RAB11B: variants seen among roughly 807,000 people sequenced by gnomAD.
RAB11B encodes RAB11B, member RAS oncogene family.
RAB11B carries 7 observed loss-of-function variants against 23.7 expected under a neutral mutation model. The observed-to-expected ratio is 0.29, with a 90% confidence interval of 0.17 to 0.55. The LOEUF (loss-of-function observed/expected upper bound fraction) is 0.55. Among genes scored for constraint, RAB11B ranks in the 20% least tolerant of loss-of-function variants. RAB11B has a pLI of 0.93. For missense variants in RAB11B, 189 were observed against 320.0 expected (o/e 0.59, Z 3.12); for synonymous variants, 138 against 132.0 (o/e 1.05, Z -0.31).
chr19:8,401,413 C>G (rs963752689), intron 2 of RAB11B, among the ~76,000 whole-genome samples: 2 of 151,332 alleles, frequency 1.3e-5, no homozygotes, highest in African/African-American at 2.4e-5. Context: ...GAGTCTCACT[C>G]TGTCATCCAG....
rs1971399599 is a variant in RAB11B, at chr19:8,396,715, G to GA, written c.41-3148_41-3147insA. 1.4e-5 allele frequency among the ~76,000 whole-genome samples: 2 copies of GA among 138,236 alleles called. No individual in the cohort carries two copies. The highest frequency in any genetic ancestry group is 5.0e-4 in the South Asian group (2 of 4,016). 90.7% of individuals were successfully genotyped at this position (138,236 alleles called of 152,430 possible). A position where few individuals can be genotyped will look rare whatever the true frequency, so the allele number is the denominator to read the frequency against. ...TGGCTGGAGCAGAGTGAGCCGGGGG[G>GA]GGGGCGGGAGGGAGGAGGGGAGGGC... On this transcript the variant is annotated intron_variant, in intron 1 of 4. Transcript: ENST00000328024. The surrounding 1 kb of genome is among the most constrained non-coding windows in gnomAD (Gnocchi z 5.0).
At chr19:8,398,330 G>A (rs1023655421) in intron 1 of RAB11B, among the ~76,000 whole-genome samples, 1 of 152,242 alleles carries the variant, frequency 6.6e-6, no homozygotes. Context: ...TGTCCACGCT[G>A]CGCTGACTCC....
Position 8,399,925 on chromosome 19 carries a change from G to C in RAB11B, c.103G>C (p.Glu35Gln). 6.2e-7 allele frequency: 1 copy of C among 1,614,228 alleles called. No individual in the cohort carries two copies. Among genetic ancestry groups the C allele is most frequent in the Non-Finnish European group, 8.5e-7 (1 of 1,180,030 alleles). Residue 35 changes from glutamate (E) to glutamine (Q), a missense_variant, in exon 2 of 5, where the codon GAG becomes CAG. By Grantham distance (29) the Glu-to-Gln change is conservative. This residue lies in a region of RAB11B where 28 missense variants were observed against 43.1 expected (regional missense o/e 0.65). Transcript: ENST00000328024. ...CCTGCTGTCGCGCTTCACCCGCAAC[G>C]AGTTCAACCTGGAGAGCAAGAGCAC... ...SNLLSRFTRN[E>Q]FNLESKSTIG...
intron 1 of RAB11B, among the ~76,000 whole-genome samples, chr19:8,391,662 C>T (rs1971354613): frequency 6.6e-6 from 1 of 152,188 alleles, no homozygotes; most frequent in South Asian, 2.1e-4. Flanking sequence ...ACCCTGCGGC[C>T]TGCTCTATGA....
At chr19:8,393,777 C>T (rs1971376361) in intron 1 of RAB11B, among the ~76,000 whole-genome samples, 1 of 152,154 alleles carries the variant, frequency 6.6e-6, no homozygotes, top group Admixed American at 6.5e-5. Context: ...GGAATGGGGG[C>T]ACCATTCCCC....
At chr19:8,393,771 T>G (rs1370112598) in intron 1 of RAB11B, among the ~76,000 whole-genome samples, 1 of 152,130 alleles carries the variant, frequency 6.6e-6, no homozygotes, top group Admixed American at 6.5e-5. Flanking sequence ...TCTGCCGGAA[T>G]GGGGGCACCA....
At position 8,404,392 on chromosome 19, in the gene RAB11B, C is replaced by T. The variant is rs1381352301; in HGVS notation, c.*834C>T. 6.6e-6 allele frequency: 1 copy of T among 152,278 alleles called. No individual in the cohort carries two copies. Among genetic ancestry groups the T allele is most frequent in the Non-Finnish European group, 1.5e-5 (1 of 68,104 alleles). 9.4% of individuals were successfully genotyped at this position (152,278 alleles called of 1,614,324 possible). ...GCGCTGTTGCCCCGTCCCCGTCACCCCGCCCGTTACTGAAATGTATAATCT... is the reference window on the plus strand; with the variant it reads ...GCGCTGTTGCCCCGTCCCCGTCACCTCGCCCGTTACTGAAATGTATAATCT... On this transcript the variant is annotated 3_prime_UTR_variant, in exon 5 of 5. Coordinates refer to ENST00000328024, the MANE Select transcript of RAB11B (RefSeq NM_004218.4).
rs920428883 is a variant in RAB11B at position 8,403,637 on chromosome 19, C to T, written c.*79C>T. 10 of 1,527,402 alleles carry T rather than the reference C, an allele frequency of 6.5e-6. No individual in the cohort carries two copies. Among genetic ancestry groups the T allele is most frequent in the Non-Finnish European group, 8.8e-6 (10 of 1,132,834 alleles). 94.6% of individuals were successfully genotyped at this position (1,527,402 alleles called of 1,614,324 possible). A position where few individuals can be genotyped will look rare whatever the true frequency, so the allele number is the denominator to read the frequency against. On this transcript the variant is annotated 3_prime_UTR_variant, in exon 5 of 5. Transcript: ENST00000328024. ...GTATCCTCTGGCCCCTCCCTGCTGT[C>T]CCTCTGTGGCCGGCTCGTTCCAGCC...
intron 1 of RAB11B, among the ~76,000 whole-genome samples, chr19:8,391,913 G>A (rs1168241116): frequency 2.6e-5 from 4 of 152,014 alleles, no homozygotes; most frequent in Non-Finnish European, 5.9e-5. Context: ...GGCACTGAGG[G>A]CTCTGGCAGC....
At chr19:8,400,931 G>C (rs538050584) in intron 2 of RAB11B, among the ~76,000 whole-genome samples, 1 of 151,874 alleles carries the variant, frequency 6.6e-6, no homozygotes, top group African/African-American at 2.4e-5. Context: ...TTGCTCTGTC[G>C]CCCAGGCTGG....
intron 1 of RAB11B, among the ~76,000 whole-genome samples, chr19:8,392,672 TC>T (rs1434746396): frequency 2.0e-4 from 28 of 143,082 alleles, no homozygotes; most frequent in African/African-American, 7.0e-4. Context: ...ATTTTTCTTT[TC>T]CTTTTTCTTT....
At chr19:8,390,605 C>T in intron 1 of RAB11B, 149 bp downstream of exon 1, 1 of 808,804 alleles carries the variant, frequency 1.2e-6, no homozygotes, top group Non-Finnish European at 1.7e-6. Flanking sequence ...CGGAGCCGAC[C>T]GGGCAGCATC....
chr19:8,402,064 TCATGGGCCCCTG>T lies in RAB11B; in HGVS notation c.237-21_237-10del. ...GCCCATGGTTGTCCTCCAGAGAGGC[TCATGGGCCCCTG>T]ACCCTGCAGGTACTACCGTGGTGCA... On this transcript the variant is annotated splice_polypyrimidine_tract_variant and intron_variant, in intron 2 of 4. Coordinates refer to ENST00000328024, the MANE Select transcript of RAB11B (RefSeq NM_004218.4). 1 of 1,555,914 alleles carries T rather than the reference TCATGGGCCCCTG, an allele frequency of 6.4e-7. No individual in the cohort carries two copies. The highest frequency in any genetic ancestry group is 8.7e-7 in the Non-Finnish European group (1 of 1,148,476).
chr19:8,398,222 C>T (rs867079663), intron 1 of RAB11B, among the ~76,000 whole-genome samples: 7 of 152,220 alleles, frequency 4.6e-5, no homozygotes, highest in Non-Finnish European at 1.0e-4. Context: ...CCTGATGCTC[C>T]TTGGCCAGCA....
intron 4 of RAB11B, among the ~76,000 whole-genome samples, chr19:8,403,108 C>G (rs1229071527): frequency 6.6e-6 from 1 of 152,248 alleles, no homozygotes; most frequent in African/African-American, 2.4e-5. Flanking sequence ...TGGGGATGGG[C>G]CCTGCCTTAA....
At chr19:8,399,787 G>A in intron 1 of RAB11B, 76 bp from the exon 2 acceptor site, 1 of 1,535,132 alleles carries the variant, frequency 6.5e-7, no homozygotes, top group Non-Finnish European at 8.9e-7. Flanking sequence ...GCAGCACCCA[G>A]GGAACCGGCG....
chr19:8,391,379 GT>G (rs1234135293), intron 1 of RAB11B, among the ~76,000 whole-genome samples: 1 of 152,244 alleles, frequency 6.6e-6, no homozygotes, highest in African/African-American at 2.4e-5. Flanking sequence ...CTTCCAACAC[GT>G]GCGCACTGAT....
chr19:8,402,295 C>T lies in RAB11B; in HGVS notation c.430+16C>T, dbSNP rs767599430. 2.6e-5 allele frequency: 40 copies of T among 1,547,180 alleles called. No individual in the cohort carries two copies. The African/African-American group carries it at 2.7e-4, about 11-fold the overall frequency. On this transcript the variant is annotated intron_variant, in intron 3 of 4. Coordinates refer to ENST00000328024, the MANE Select transcript of RAB11B (RefSeq NM_004218.4). ...GCCTTCGCAGGTGAGCAGACGGAGACGCAGGCATCAGAGAGGTGTCTGGAA... is the reference window on the plus strand; with the variant it reads ...GCCTTCGCAGGTGAGCAGACGGAGATGCAGGCATCAGAGAGGTGTCTGGAA...
chr19:8,392,888 T>C (rs2145506531), intron 1 of RAB11B, among the ~76,000 whole-genome samples: 1 of 151,864 alleles, frequency 6.6e-6, no homozygotes, highest in South Asian at 2.1e-4. Context: ...GGTTTCACCA[T>C]GTTGGCCAGC....
Sources: allele counts gnomAD v4.1 joint callset (sites outside exome capture counted in the v4.1 genomes callset), GRCh38; gene constraint gnomAD v4.1.1; regional missense constraint gnomAD v4.1.1; non-coding constraint Gnocchi (gnomAD v3.1); transcripts MANE v1.5; gene names NCBI Gene and HGNC (gene_info 2026-07-23, HGNC 2026-07-21).